PDE4D: variants seen among roughly 807,000 people sequenced by gnomAD.
PDE4D encodes the protein phosphodiesterase 4D.
In PDE4D, 24 loss-of-function variants were observed where a neutral mutation model predicts 87.4. The observed-to-expected ratio is 0.27, with a 90% CI of 0.20 to 0.39. The LOEUF (loss-of-function observed/expected upper bound fraction) is 0.39. Ranked by LOEUF, PDE4D falls within the 10% of genes least tolerant of loss-of-function variation. PDE4D has a pLI of 1.00. For missense variants in PDE4D, 714 were observed against 1,041.0 expected, an observed-to-expected ratio of 0.69 and a Z score of 4.32; for synonymous variants, 384 against 383.2, an observed-to-expected ratio of 1.00 and a Z score of -0.02.
At chr5:59,956,336 C>T (rs1043641240) in intron 3 of PDE4D, among the ~76,000 whole-genome samples, 1 of 152,182 alleles carries the variant, frequency 6.6e-6, no homozygotes, top group East Asian at 1.9e-4. Flanking sequence ...CTCTGGCTGC[C>T]CCTACCTTGT....
chr5:60,512,593 T>C (rs982217939), intron 1 of PDE4D, among the ~76,000 whole-genome samples: 5 of 152,160 alleles, frequency 3.3e-5, no homozygotes, highest in African/African-American at 1.2e-4. Context: ...AGACTTTGGA[T>C]GGCAATGGAA....
chr5:60,112,733 C>T (rs368623162), intron 2 of PDE4D, among the ~76,000 whole-genome samples: 3 of 152,060 alleles, frequency 2.0e-5, no homozygotes, highest in Non-Finnish European at 2.9e-5. Context: ...CACCCTCTGC[C>T]GACTATGAGT....
chr5:59,717,037 T>C (rs917695967), intron 1 of PDE4D, among the ~76,000 whole-genome samples: 1 of 152,230 alleles, frequency 6.6e-6, no homozygotes, highest in African/African-American at 2.4e-5. Flanking sequence ...AGAGCCCTTT[T>C]TTCCTTAGGG....
At chr5:59,365,519 T>C (rs1782907354) in intron 1 of PDE4D, among the ~76,000 whole-genome samples, 1 of 152,150 alleles carries the variant, frequency 6.6e-6, no homozygotes. Flanking sequence ...ATCATCAACA[T>C]TAAAAACATA....
intron 3 of PDE4D, among the ~76,000 whole-genome samples, chr5:59,943,070 T>A (rs1647402322): frequency 6.6e-6 from 1 of 151,826 alleles, no homozygotes; most frequent in Non-Finnish European, 1.5e-5. Flanking sequence ...GAAGGTGAGG[T>A]TTTTGTTTTG....
At chr5:60,327,101 T>A (rs1756868650) in intron 1 of PDE4D, among the ~76,000 whole-genome samples, 1 of 152,094 alleles carries the variant, frequency 6.6e-6, no homozygotes, top group Non-Finnish European at 1.5e-5. Flanking sequence ...TCTCTTAGAG[T>A]CCCAGGTAGA....
At chr5:59,455,554 A>C (rs1412592587) in intron 1 of PDE4D, among the ~76,000 whole-genome samples, 1 of 152,230 alleles carries the variant, frequency 6.6e-6, no homozygotes, top group Non-Finnish European at 1.5e-5. Context: ...CTGCTATGGC[A>C]CTGTGGAAGG....
chr5:59,500,913 T>C (rs1029543905), intron 1 of PDE4D, among the ~76,000 whole-genome samples: 20 of 152,294 alleles, frequency 1.3e-4, no homozygotes, highest in African/African-American at 4.1e-4. Flanking sequence ...ATTTTCACTT[T>C]CAGTGCTGTA....
chr5:59,820,356 G>A (rs1769492431), intron 1 of PDE4D, among the ~76,000 whole-genome samples: 1 of 152,178 alleles, frequency 6.6e-6, no homozygotes. Flanking sequence ...CCCAAATCAG[G>A]ACAAGTCAGC....
intron 2 of PDE4D, among the ~76,000 whole-genome samples, chr5:59,208,616 ATTT>A (rs969891626): frequency 5.6e-5 from 8 of 142,998 alleles, no homozygotes; most frequent in African/African-American, 2.0e-4. Flanking sequence ...TCAGGATTTC[ATTT>A]TTATGATTTT....
At chr5:59,478,621 TTCA>T (rs967226520) in intron 1 of PDE4D, among the ~76,000 whole-genome samples, 3 of 152,088 alleles carry the variant, frequency 2.0e-5, no homozygotes, top group African/African-American at 7.2e-5. Context: ...TAGAAAACAG[TTCA>T]TCAATTACAT....
At chr5:60,303,743 T>A (rs1754161571) in intron 1 of PDE4D, among the ~76,000 whole-genome samples, 1 of 152,210 alleles carries the variant, frequency 6.6e-6, no homozygotes. Flanking sequence ...GTCAGTGCTG[T>A]ATGGCAATGA....
At chr5:59,826,214 C>G (rs1581279513) in intron 1 of PDE4D, among the ~76,000 whole-genome samples, 1 of 152,170 alleles carries the variant, frequency 6.6e-6, no homozygotes, top group South Asian at 2.1e-4. Context: ...TTGTTCACCT[C>G]TATATCCCTA....
In PDE4D at chr5:58,969,385, A is replaced by T. The variant is rs576005356; in HGVS notation, c.*5279T>A. On this transcript the variant is annotated 3_prime_UTR_variant, in exon 15 of 15. Coordinates refer to ENST00000340635, the MANE Select transcript of PDE4D (RefSeq NM_001104631.2). ...GGCTCCAGGCCCTGCCTACTCTCTC[A>T]CTTTTCCTCAGTTTCTCCAGATGTC... 6.6e-6 allele frequency: 1 copy of T among 152,322 alleles called. No homozygotes were observed. Among genetic ancestry groups the T allele is most frequent in the South Asian group, 2.1e-4 (1 of 4,826 alleles). 9.4% of individuals were successfully genotyped at this position (152,322 alleles called of 1,614,324 possible).
chr5:60,316,359 T>A (rs1455437896), intron 1 of PDE4D, among the ~76,000 whole-genome samples: 1 of 152,202 alleles, frequency 6.6e-6, no homozygotes, highest in Non-Finnish European at 1.5e-5. Flanking sequence ...TTGCTGAAGT[T>A]GCCTATCAGC....
intron 1 of PDE4D, among the ~76,000 whole-genome samples, chr5:59,345,236 G>T (rs1321738479): frequency 6.6e-6 from 1 of 152,070 alleles, no homozygotes; most frequent in African/African-American, 2.4e-5. Context: ...AGGTTAAGGT[G>T]GTTTAGGAAA....
upstream of PDE4D, among the ~76,000 whole-genome samples, chr5:59,898,306 C>T (rs976258391): frequency 1.3e-5 from 2 of 152,196 alleles, no homozygotes; most frequent in East Asian, 1.9e-4. Flanking sequence ...ATTCTCAGGA[C>T]GACTGTGATA....
chr5:60,013,581 C>T lies in PDE4D; in HGVS notation c.43-24864G>A, dbSNP rs188086352. On this transcript the variant is annotated intron_variant, in intron 2 of 16. Transcript: ENST00000502484. ...AATCCCAGAAGCACAGCAATTTGCC[C>T]TAAGTTATACTACTAGTAAAAGGTA... 2.6e-5 allele frequency among the ~76,000 whole-genome samples: 4 copies of T among 152,168 alleles called. No individual in the cohort carries two copies. The East Asian group carries it at 7.8e-4, about 30-fold the overall frequency.
At chr5:59,276,578 G>A (rs1191750638) in intron 1 of PDE4D, among the ~76,000 whole-genome samples, 4 of 152,122 alleles carry the variant, frequency 2.6e-5, no homozygotes, top group African/African-American at 9.6e-5. Flanking sequence ...TCAGCAGAGT[G>A]TAACAGGCAC....
Sources: gnomAD v4.1 joint callset for allele counts (sites outside exome capture counted in the v4.1 genomes callset) on GRCh38, gnomAD v4.1.1 for gene constraint, MANE v1.5 for transcripts, NCBI Gene and HGNC (gene_info 2026-07-23, HGNC 2026-07-21) for gene names.